AGBL1: variants seen among roughly 807,000 people sequenced by gnomAD.
AGBL1 encodes the protein cytosolic carboxypeptidase 4.
A neutral mutation model predicts 118.9 loss-of-function variants in AGBL1; 130 were observed. The ratio of observed to expected loss-of-function variants is 1.09; its 90% confidence interval spans 0.95 to 1.26. The LOEUF (loss-of-function observed/expected upper bound fraction) is 1.26. Ranked by LOEUF, AGBL1 falls within the 50% of genes most tolerant of loss-of-function variation. The pLI, the probability that AGBL1 is intolerant of heterozygous loss-of-function variation, is 0.00. For synonymous variants in AGBL1, 555 were observed against 478.9 expected (o/e 1.16, Z -2.08); for missense variants, 1,584 against 1,298.1 (o/e 1.22, Z -3.38).
chr15:86,271,138 C>T (rs756948569), intron 14 of AGBL1, among the ~76,000 whole-genome samples: 6 of 150,474 alleles, frequency 4.0e-5, no homozygotes, highest in Non-Finnish European at 7.4e-5. Context: ...GCAACCTCCG[C>T]CTCCCGGGTT....
chr15:86,922,463 T>G (rs556976801), intron 23 of AGBL1, among the ~76,000 whole-genome samples: 1 of 152,298 alleles, frequency 6.6e-6, no homozygotes, highest in African/African-American at 2.4e-5. Context: ...GCTAATTCTG[T>G]GTATTTTTAG....
chr15:86,639,837 G>A lies in AGBL1; in HGVS notation c.2995-34436G>A, dbSNP rs564937259. ...AAACCCATGTATATTAATATTTTCAGCCTCATCACATTACGTTTTCTGGGT... is the reference window on the plus strand; with the variant it reads ...AAACCCATGTATATTAATATTTTCAACCTCATCACATTACGTTTTCTGGGT... On this transcript the variant is annotated intron_variant, in intron 21 of 22. Coordinates refer to ENST00000614907, the MANE Select transcript of AGBL1 (RefSeq NM_001386094.1). Among the ~76,000 whole-genome samples the A allele has an allele frequency of 2.6e-3, 395 of 152,246 alleles. 1 individual carries two copies. The highest frequency in any genetic ancestry group is 8.7e-3 in the South Asian group (42 of 4,810).
intron 18 of AGBL1, among the ~76,000 whole-genome samples, chr15:86,470,401 A>G (rs966377180): frequency 1.3e-5 from 2 of 151,818 alleles, no homozygotes; most frequent in African/African-American, 4.8e-5. Flanking sequence ...AATTTCTAAG[A>G]TCTCTATTGT....
chr15:86,871,001 G>A (rs2079720050), intron 22 of AGBL1, among the ~76,000 whole-genome samples: 1 of 152,282 alleles, frequency 6.6e-6, no homozygotes, highest in South Asian at 2.1e-4. Flanking sequence ...TAACTGCTTA[G>A]GGATAGTAAC....
intron 23 of AGBL1, among the ~76,000 whole-genome samples, chr15:86,945,969 A>G (rs776645857): frequency 3.5e-4 from 53 of 152,284 alleles, no homozygotes; most frequent in Non-Finnish European, 3.8e-4. Context: ...GATTTCATCT[A>G]CTCAACAGAA....
At position 86,875,597 on chromosome 15, in the gene AGBL1, G is replaced by A. The variant is rs28421197; in HGVS notation, c.3159-31490G>A. On this transcript the variant is annotated intron_variant, in intron 22 of 22. Coordinates refer to ENST00000614907, the MANE Select transcript of AGBL1 (RefSeq NM_001386094.1). ...ATATTAAAGATACAATGTTAGCACA[G>A]CACTGACACATAGATTGTTTTCCAT... Among the ~76,000 whole-genome samples the A allele has an allele frequency of 8.4e-3, 1,279 of 152,290 alleles. 14 individuals carry two copies. Among genetic ancestry groups the A allele is most frequent in the African/African-American group, 0.029 (1,199 of 41,560 alleles).
chr15:86,279,842 C>A, intron 16 of AGBL1, 59 bp downstream of exon 16: 1 of 1,585,670 alleles, frequency 6.3e-7, no homozygotes, highest in Non-Finnish European at 8.6e-7. Context: ...TGAGGTTTTC[C>A]TGGGAACATT....
At chr15:86,661,965 G>T (rs989622709) in intron 21 of AGBL1, among the ~76,000 whole-genome samples, 1 of 152,088 alleles carries the variant, frequency 6.6e-6, no homozygotes, top group African/African-American at 2.4e-5. Flanking sequence ...ATGTATAATG[G>T]GAATACTAAT....
chr15:86,520,424 T>G (rs1321744564), intron 18 of AGBL1, among the ~76,000 whole-genome samples: 1 of 152,126 alleles, frequency 6.6e-6, no homozygotes, highest in Non-Finnish European at 1.5e-5. Flanking sequence ...CAGCTTGGAG[T>G]TGGAACTAGG....
chr15:86,839,655 A>T (rs1190625592), intron 22 of AGBL1, among the ~76,000 whole-genome samples: 1 of 152,170 alleles, frequency 6.6e-6, no homozygotes. Context: ...CCCTTAGCAG[A>T]TATGACAACT....
intron 18 of AGBL1, among the ~76,000 whole-genome samples, chr15:86,470,972 G>T (rs1454726376): frequency 1.3e-5 from 2 of 152,134 alleles, no homozygotes; most frequent in African/African-American, 2.4e-5. Context: ...CCTGCAAGCA[G>T]AGATAATTTT....
chr15:86,833,652 T>C (rs1372857841), intron 22 of AGBL1, among the ~76,000 whole-genome samples: 1 of 152,124 alleles, frequency 6.6e-6, no homozygotes, highest in Non-Finnish European at 1.5e-5. Context: ...CATCACCACA[T>C]TTCAGACCAA....
chr15:86,166,882 A>G, intron 5 of AGBL1, among the ~76,000 whole-genome samples: 1 of 152,110 alleles, frequency 6.6e-6, no homozygotes, highest in East Asian at 1.9e-4. Flanking sequence ...TACATGCACC[A>G]CTTTCCCCTG....
intron 5 of AGBL1, among the ~76,000 whole-genome samples, chr15:86,203,591 C>T (rs960249893): frequency 4.6e-5 from 7 of 152,310 alleles, no homozygotes; most frequent in Admixed American, 3.3e-4. Flanking sequence ...ACTTGGACTT[C>T]AGCATCTTTG....
At chr15:86,130,175 C>A (rs2076801387) in intron 1 of AGBL1, among the ~76,000 whole-genome samples, 1 of 152,012 alleles carries the variant, frequency 6.6e-6, no homozygotes, top group Admixed American at 6.6e-5. Context: ...GCTTCGTGCC[C>A]TACCTGAGTT....
chr15:86,240,442 A>G (rs555251608), intron 6 of AGBL1, among the ~76,000 whole-genome samples: 2 of 152,312 alleles, frequency 1.3e-5, no homozygotes, highest in South Asian at 2.1e-4. Context: ...GGACACAACT[A>G]CCTTTATTCT....
intron 16 of AGBL1, among the ~76,000 whole-genome samples, chr15:86,284,854 G>A (rs2079416166): frequency 6.6e-6 from 1 of 152,200 alleles, no homozygotes; most frequent in African/African-American, 2.4e-5. Context: ...AGAGACACAG[G>A]ATGAGGCTGC....
chr15:86,094,474 G>T, intron 1 of AGBL1, among the ~76,000 whole-genome samples: 1 of 152,138 alleles, frequency 6.6e-6, no homozygotes, highest in Non-Finnish European at 1.5e-5. Flanking sequence ...CTGAGACAAA[G>T]ATTTTCATGC....
At position 87,024,896 on chromosome 15, in the gene AGBL1, A is replaced by C. The variant is rs552740018; in HGVS notation, c.3324-3929A>C. On this transcript the variant is annotated intron_variant, in intron 24 of 24. Coordinates refer to the AGBL1 transcript ENST00000441037. The stretch of plus-strand genomic sequence containing the variant: ...AACAAAAACACATGATGATCTCAAT[A>C]GATGCAGAAAAAGCATTTGACAAAA... Among the ~76,000 whole-genome samples the C allele has an allele frequency of 3.9e-5, 6 of 152,242 alleles. No homozygotes were observed. The East Asian group carries it at 7.7e-4, about 20-fold the overall frequency.
Sources: allele counts gnomAD v4.1 joint callset (sites outside exome capture counted in the v4.1 genomes callset), GRCh38; gene constraint gnomAD v4.1.1; transcripts MANE v1.5; gene names NCBI Gene and HGNC (gene_info 2026-07-23, HGNC 2026-07-21).